The following TSHR variants were observed in gnomAD, a reference collection of about 807,000 sequenced individuals.
The protein encoded by TSHR is thyroid stimulating hormone receptor.
Under a neutral mutation model 64.1 loss-of-function variants are expected in TSHR, and 51 were observed. The observed-to-expected ratio is 0.80, with a 90% confidence interval of 0.64 to 1.01. TSHR has a LOEUF of 1.01. Ranked by LOEUF, TSHR falls within the 50% of genes least tolerant of loss-of-function variation. TSHR has a pLI of 0.00. For synonymous variants in TSHR, 361 were observed against 361.9 expected (o/e 1.00, Z 0.03); for missense variants, 877 against 942.8 (o/e 0.93, Z 0.91).
intron 2 of TSHR, among the ~76,000 whole-genome samples, chr14:81,066,321 A>T (rs1025775655): frequency 6.6e-6 from 1 of 152,234 alleles, no homozygotes; most frequent in Non-Finnish European, 1.5e-5. Flanking sequence ...TAGCTTGCTC[A>T]GCTTCATCCA....
intron 1 of TSHR, among the ~76,000 whole-genome samples, chr14:81,029,673 G>T (rs767101508): frequency 6.6e-6 from 1 of 152,098 alleles, no homozygotes; most frequent in Non-Finnish European, 1.5e-5. Context: ...GCCATTCTGG[G>T]AAACTGTTCT....
intron 3 of TSHR, among the ~76,000 whole-genome samples, chr14:81,068,744 T>C (rs1012018880): frequency 6.6e-6 from 1 of 152,226 alleles, no homozygotes; most frequent in Admixed American, 6.5e-5. Flanking sequence ...GGGAATTTAA[T>C]AACCCTAGTT....
At chr14:81,089,016 T>A (rs1421372157) in intron 4 of TSHR, among the ~76,000 whole-genome samples, 1 of 151,038 alleles carries the variant, frequency 6.6e-6, no homozygotes, top group Non-Finnish European at 1.5e-5. Flanking sequence ...AGATAGAGTC[T>A]TGCTCTGTTG....
At chr14:81,047,564 A>T (rs1293449280) in intron 1 of TSHR, among the ~76,000 whole-genome samples, 2 of 152,246 alleles carry the variant, frequency 1.3e-5, no homozygotes, top group Non-Finnish European at 2.9e-5. Context: ...TGTGAAAACC[A>T]AGAAAAACAG....
chr14:80,955,953 TGTGA>T (rs1566735611), intron 1 of TSHR, 103 bp downstream of exon 1: 1 of 1,377,642 alleles, frequency 7.3e-7, no homozygotes, highest in African/African-American at 1.4e-5. Flanking sequence ...CGAAGTAGTG[TGTGA>T]GTGTGTGTAT....
At chr14:81,035,235 C>T (rs1237142711) in intron 1 of TSHR, among the ~76,000 whole-genome samples, 2 of 152,204 alleles carry the variant, frequency 1.3e-5, no homozygotes, top group Middle Eastern at 3.4e-3. Flanking sequence ...GGAAATAATA[C>T]ACAGTTTATC....
At chr14:81,068,156 T>G in intron 2 of TSHR, 98 bp from the exon 3 acceptor site, 1 of 1,111,728 alleles carries the variant, frequency 9.0e-7, no homozygotes, top group East Asian at 2.4e-5. Context: ...TTGCATGATC[T>G]GGGAAGCGCA....
intron 3 of TSHR, among the ~76,000 whole-genome samples, chr14:81,085,732 T>A (rs1888240354): frequency 6.6e-6 from 1 of 152,190 alleles, no homozygotes; most frequent in African/African-American, 2.4e-5. Context: ...TTTTCCAGAC[T>A]GCAAACCCTG....
chr14:81,044,547 A>T (rs561065528), intron 1 of TSHR, among the ~76,000 whole-genome samples: 1 of 152,106 alleles, frequency 6.6e-6, no homozygotes, highest in Non-Finnish European at 1.5e-5. Flanking sequence ...AGTCCCAGCT[A>T]CTTGGGAGGC....
At chr14:80,977,110 C>T (rs1447148480) in intron 1 of TSHR, among the ~76,000 whole-genome samples, 1 of 152,210 alleles carries the variant, frequency 6.6e-6, no homozygotes, top group Non-Finnish European at 1.5e-5. Flanking sequence ...GCTCATTCGT[C>T]TCCTCCTCTG....
chr14:81,063,479 A>G (rs890410211), intron 2 of TSHR, among the ~76,000 whole-genome samples: 1 of 152,076 alleles, frequency 6.6e-6, no homozygotes, highest in Non-Finnish European at 1.5e-5. Context: ...TAAACACATC[A>G]TCTTCCTCCC....
chr14:80,998,121 C>T (rs1313213304), intron 1 of TSHR, among the ~76,000 whole-genome samples: 1 of 152,082 alleles, frequency 6.6e-6, no homozygotes, highest in Admixed American at 6.5e-5. Flanking sequence ...AAATAGAATC[C>T]TTGCCTTGAT....
intron 1 of TSHR, among the ~76,000 whole-genome samples, chr14:81,004,055 A>G (rs757023005): frequency 2.1e-4 from 32 of 152,204 alleles, no homozygotes; most frequent in Non-Finnish European, 4.1e-4. Flanking sequence ...AGACATGTTT[A>G]TGTACATCTG....
intron 1 of TSHR, among the ~76,000 whole-genome samples, chr14:81,031,699 G>A (rs1157603170): frequency 6.6e-6 from 1 of 152,150 alleles, no homozygotes; most frequent in African/African-American, 2.4e-5. Flanking sequence ...AACCAGCCTG[G>A]CACTTTGCCC....
chr14:81,085,381 GTTGCC>G (rs1888217151), intron 3 of TSHR, among the ~76,000 whole-genome samples: 1 of 152,230 alleles, frequency 6.6e-6, no homozygotes, highest in African/African-American at 2.4e-5. Context: ...GTGGTAAGCT[GTTGCC>G]TTACCTCAGA....
At chr14:81,091,289 G>A (rs950088667) in intron 5 of TSHR, 146 bp downstream of exon 5, 3 of 766,294 alleles carry the variant, frequency 3.9e-6, no homozygotes, top group East Asian at 2.6e-5. Context: ...CTGGCATGAA[G>A]TAAGGCAAGG....
chr14:81,068,190 A>T (rs2139909123), intron 2 of TSHR, 64 bp from the exon 3 acceptor site: 1 of 1,495,638 alleles, frequency 6.7e-7, no homozygotes, highest in Non-Finnish European at 9.3e-7. Context: ...TGTCAAAAAT[A>T]GTATGTTTGA....
chr14:81,063,385 G>A (rs555422771), intron 2 of TSHR, among the ~76,000 whole-genome samples: 1 of 152,050 alleles, frequency 6.6e-6, no homozygotes, highest in South Asian at 2.1e-4. Flanking sequence ...CATTCCTTGG[G>A]CTGCACTATT....
intron 1 of TSHR, among the ~76,000 whole-genome samples, chr14:81,047,320 C>G (rs762553858): frequency 6.6e-6 from 1 of 151,974 alleles, no homozygotes; most frequent in Non-Finnish European, 1.5e-5. Flanking sequence ...CAACGGACAC[C>G]AATACACACA....
Sources: gnomAD v4.1 joint callset for allele counts (sites outside exome capture counted in the v4.1 genomes callset) on GRCh38, gnomAD v4.1.1 for gene constraint, MANE v1.5 for transcripts, NCBI Gene and HGNC (gene_info 2026-07-23, HGNC 2026-07-21) for gene names.